PCDHA5: variants seen among roughly 807,000 people sequenced by gnomAD.
PCDHA5 encodes protocadherin alpha 5.
Under a neutral mutation model 61.6 loss-of-function variants are expected in PCDHA5, and 43 were observed. The ratio of observed to expected loss-of-function variants is 0.70; its 90% CI spans 0.55 to 0.90. The LOEUF (loss-of-function observed/expected upper bound fraction) is 0.90, where lower values mean the gene tolerates loss of function less well. Among genes scored for constraint, PCDHA5 ranks in the 40% least tolerant of loss-of-function variants. PCDHA5 has a pLI of 0.00. For synonymous variants in PCDHA5, 627 were observed against 543.9 expected (o/e 1.15, Z -2.13); for missense variants, 1,298 against 1,222.7 (o/e 1.06, Z -0.92).
chr5:140,868,490 A>C (rs1383994336), intron 1 of PCDHA5: 1 of 152,330 alleles, frequency 6.6e-6, no homozygotes, highest in African/African-American at 2.4e-5. Flanking sequence ...TTTTTCTTTG[A>C]GTTCCCTAGC....
chr5:140,827,934 A>G (rs2150149860), intron 1 of PCDHA5: 1 of 1,010,264 alleles, frequency 9.9e-7, no homozygotes, highest in Admixed American at 2.3e-5. Flanking sequence ...ATGAAGTTAT[A>G]GCTAGCCAAC....
intron 1 of PCDHA5, chr5:140,930,486 G>T (rs1211564539): frequency 6.6e-6 from 1 of 152,320 alleles, no homozygotes; most frequent in Non-Finnish European, 1.5e-5. Flanking sequence ...GCCTCCCAAA[G>T]TGCTGGGATT....
At position 140,926,724 on chromosome 5, in the gene PCDHA5, G is replaced by C. The variant is rs376759295; in HGVS notation, c.2353-52225G>C. 1.5e-5 allele frequency: 15 copies of C among 1,034,056 alleles called. No homozygotes were observed. In the East Asian group the frequency reaches 2.4e-4, roughly 17 times the overall value. 64.1% of individuals were successfully genotyped at this position (1,034,056 alleles called of 1,614,324 possible). On this transcript the variant is annotated intron_variant, in intron 1 of 3. Transcript: ENST00000529859. ...CCAGCTGGCCAGCCCCGGCAATGCC[G>C]GCGTTCGGGAGGCGCAACGTCGGCG...
At position 140,993,460 on chromosome 5, in the gene PCDHA5, T is replaced by TCACACA. The variant is rs1554253699; in HGVS notation, c.2500+10898_2500+10899insACACAC. ...TTCATTCCTGTTCTCCTTCTTTCTT[T>TCACACA]CTCACACACACACACACACACACAC... On this transcript the variant is annotated intron_variant, in intron 3 of 3. Transcript: ENST00000529859. Among the ~76,000 whole-genome samples, 49 of 104,564 alleles carry TCACACA rather than the reference T, an allele frequency of 4.7e-4. 1 individual carries two copies. Among genetic ancestry groups the TCACACA allele is most frequent in the Admixed American group, 1.8e-3 (15 of 8,460 alleles). 68.6% of individuals were successfully genotyped at this position (104,564 alleles called of 152,430 possible).
chr5:140,882,157 C>G, intron 1 of PCDHA5: 5 of 1,504,750 alleles, frequency 3.3e-6, no homozygotes, highest in Non-Finnish European at 8.9e-7. Flanking sequence ...AAGCGGAATA[C>G]CTCTTGCGAA....
chr5:140,903,448 G>T (rs188990837), intron 1 of PCDHA5, among the ~76,000 whole-genome samples: 2 of 152,278 alleles, frequency 1.3e-5, no homozygotes, highest in African/African-American at 2.4e-5. Context: ...GAATTCATCT[G>T]ATCAAACTTA....
chr5:140,966,042 G>T (rs1554228004), intron 1 of PCDHA5, among the ~76,000 whole-genome samples: 1 of 152,152 alleles, frequency 6.6e-6, no homozygotes, highest in Admixed American at 6.5e-5. Context: ...AGTTCCCATC[G>T]CCAGTAACCC....
At chr5:140,909,972 T>C (rs948733470) in intron 1 of PCDHA5, among the ~76,000 whole-genome samples, 1 of 152,220 alleles carries the variant, frequency 6.6e-6, no homozygotes. Context: ...TGGGGAAGGA[T>C]GGGAGAAAGA....
chr5:140,938,034 A>G (rs541380016), intron 1 of PCDHA5, among the ~76,000 whole-genome samples: 2 of 152,160 alleles, frequency 1.3e-5, no homozygotes, highest in South Asian at 4.2e-4. Flanking sequence ...TCATATTTTT[A>G]TATTTTGGGT....
intron 1 of PCDHA5, among the ~76,000 whole-genome samples, chr5:140,894,986 A>G (rs1380930076): frequency 6.6e-6 from 1 of 152,194 alleles, no homozygotes; most frequent in Non-Finnish European, 1.5e-5. Flanking sequence ...ACTTTGTGAC[A>G]TCCTTTACCC....
At chr5:140,836,325 C>G in intron 1 of PCDHA5, 18 of 1,613,750 alleles carry the variant, frequency 1.1e-5, no homozygotes, top group Non-Finnish European at 1.4e-5. Context: ...CCACCGCCTT[C>G]TGGTGCTTGT....
At chr5:140,873,791 G>A (rs1330097708) in intron 1 of PCDHA5, among the ~76,000 whole-genome samples, 1 of 152,152 alleles carries the variant, frequency 6.6e-6, no homozygotes, top group Non-Finnish European at 1.5e-5. Flanking sequence ...TTTCCGAGAA[G>A]CTGGGACTAC....
chr5:140,874,005 C>T (rs887497526), intron 1 of PCDHA5, among the ~76,000 whole-genome samples: 1 of 152,100 alleles, frequency 6.6e-6, no homozygotes, highest in South Asian at 2.1e-4. Context: ...GTACATTGAC[C>T]ACTTTTGAAA....
At chr5:140,997,465 A>G (rs1427334533) in intron 3 of PCDHA5, among the ~76,000 whole-genome samples, 1 of 152,182 alleles carries the variant, frequency 6.6e-6, no homozygotes, top group Non-Finnish European at 1.5e-5. Flanking sequence ...ACTGTAGGCA[A>G]TTTTTACACA....
intron 1 of PCDHA5, among the ~76,000 whole-genome samples, chr5:140,872,003 A>C (rs1314439086): frequency 2.0e-5 from 3 of 152,202 alleles, no homozygotes; most frequent in Non-Finnish European, 2.9e-5. Context: ...GGCTATTTAC[A>C]GGTGACCTGT....
intron 1 of PCDHA5, among the ~76,000 whole-genome samples, chr5:140,935,340 C>T (rs781819548): frequency 3.3e-5 from 5 of 152,172 alleles, no homozygotes; most frequent in African/African-American, 7.2e-5. Context: ...TTCTCCCATA[C>T]GTCAAATCCC....
At position 140,855,161 on chromosome 5, in the gene PCDHA5, C is replaced by T. The variant is rs1469242390; in HGVS notation, c.2352+31034C>T. On this transcript the variant is annotated intron_variant, in intron 1 of 3. Coordinates refer to ENST00000529859, the MANE Select transcript of PCDHA5 (RefSeq NM_018908.3). ...TGATGAGCCAAATTTGGTATTGAGC[C>T]TCATGAAAACAAATGTGGCCAAATT... Among the ~76,000 whole-genome samples, 4 of 149,656 alleles carry T rather than the reference C, an allele frequency of 2.7e-5. 1 individual carries two copies. Among genetic ancestry groups the T allele is most frequent in the African/African-American group, 9.8e-5 (4 of 40,822 alleles).
chr5:140,875,724 G>T, intron 1 of PCDHA5: 1 of 1,614,244 alleles, frequency 6.2e-7, no homozygotes, highest in Non-Finnish European at 8.5e-7. Flanking sequence ...ATGGCATTTT[G>T]TTTGTGAATT....
chr5:140,921,345 A>C (rs1411062408), intron 1 of PCDHA5, among the ~76,000 whole-genome samples: 1 of 152,120 alleles, frequency 6.6e-6, no homozygotes, highest in African/African-American at 2.4e-5. Context: ...CACATAATAT[A>C]TTTGCCTATA....
Sources: allele counts gnomAD v4.1 joint callset (sites outside exome capture counted in the v4.1 genomes callset), GRCh38; gene constraint gnomAD v4.1.1; transcripts MANE v1.5; gene names NCBI Gene and HGNC (gene_info 2026-07-23, HGNC 2026-07-21).